Variants in FOXJ3 observed in about 807,000 individuals in gnomAD.
FOXJ3 encodes the protein forkhead box J3.
FOXJ3 carries 22 observed loss-of-function variants against 76.1 expected under a neutral mutation model. The observed-to-expected ratio is 0.29, with a 90% CI of 0.21 to 0.41. The LOEUF is 0.41. Among genes scored for constraint, FOXJ3 ranks in the 10% least tolerant of loss-of-function variants. The pLI is 1.00. For synonymous variants in FOXJ3, 269 were observed against 261.2 expected, an observed-to-expected ratio of 1.03 and a Z score of -0.29; for missense variants, 613 against 762.1, an observed-to-expected ratio of 0.80 and a Z score of 2.30.
Position 42,205,745 on chromosome 1 carries a change from T to TA in FOXJ3, c.630+16dup, listed in dbSNP as rs1345146650. On this transcript the variant is annotated intron_variant, in intron 6 of 12. Coordinates refer to ENST00000361346, the MANE Select transcript of FOXJ3 (RefSeq NM_014947.5). ...TACTCAATGACATTTCAATAATGTT[T>TA]AAAAAAATGAAATTACTTTGTTAGT... 4.3e-6 allele frequency: 6 copies of TA among 1,409,204 alleles called. No individual in the cohort carries two copies. Among genetic ancestry groups the TA allele is most frequent in the Non-Finnish European group, 6.0e-6 (6 of 994,380 alleles). 87.3% of individuals were successfully genotyped at this position (1,409,204 alleles called of 1,614,324 possible). A position where few individuals can be genotyped will look rare whatever the true frequency, so the allele number is the denominator to read the frequency against.
chr1:42,210,990 G>A (rs1309606063), intron 5 of FOXJ3, among the ~76,000 whole-genome samples: 1 of 152,216 alleles, frequency 6.6e-6, no homozygotes, highest in Non-Finnish European at 1.5e-5. Flanking sequence ...AAAGAAGCCA[G>A]ACTGCAGGCC....
rs779255866 is a variant in FOXJ3, at chr1:42,181,967, C to G, written c.1703G>C (p.Gly568Ala). 3.1e-6 allele frequency: 5 copies of G among 1,613,354 alleles called. No individual in the cohort carries two copies. Among genetic ancestry groups the G allele is most frequent in the Non-Finnish European group, 4.2e-6 (5 of 1,179,676 alleles). Residue 568 changes from glycine (G) to alanine (A), a missense_variant, in exon 12 of 13, where the codon GGT becomes GCT. Coordinates refer to ENST00000361346, the MANE Select transcript of FOXJ3 (RefSeq NM_014947.5). ...GAGTGCCTGTGGGATATGAGGATAA[C>G]CAGGGGGTGGCATCACTGAAGGAGG... ...NLPPSVMPPP[G>A]YPHIPQALST...
rs746353926 is a variant in FOXJ3 at position 42,265,193 on chromosome 1, G to T, written c.370-4C>A. The T allele has an allele frequency of 1.3e-6, 2 of 1,535,432 alleles. No homozygotes were observed. Among genetic ancestry groups the T allele is most frequent in the South Asian group, 1.2e-5 (1 of 83,250 alleles). ...ACAGATTATGTCGTATGGAATTCTG[G>T]AATTAAAGAAGAAAAGCCATAAGGT... On this transcript the variant is annotated splice_polypyrimidine_tract_variant and splice_region_variant and intron_variant, in intron 3 of 12. Transcript: ENST00000361346.
intron 3 of FOXJ3, among the ~76,000 whole-genome samples, chr1:42,267,240 ACAGTC>A (rs1369134415): frequency 6.6e-6 from 1 of 152,102 alleles, no homozygotes; most frequent in African/African-American, 2.4e-5. Context: ...ACAAGCAAAC[ACAGTC>A]TACTGACAGA....
chr1:42,315,069 T>C (rs1161019444), intron 1 of FOXJ3, among the ~76,000 whole-genome samples: 1 of 152,222 alleles, frequency 6.6e-6, no homozygotes, highest in Non-Finnish European at 1.5e-5. Context: ...TCATGCTAAG[T>C]GAAAACGACA....
chr1:42,203,821 C>A (rs1646808766), intron 6 of FOXJ3, among the ~76,000 whole-genome samples: 1 of 151,916 alleles, frequency 6.6e-6, no homozygotes, highest in South Asian at 2.1e-4. Context: ...CATGGTGGAA[C>A]CCCATCTCTA....
intron 5 of FOXJ3, among the ~76,000 whole-genome samples, chr1:42,210,858 C>T (rs931443170): frequency 3.3e-5 from 5 of 152,128 alleles, no homozygotes; most frequent in Non-Finnish European, 7.4e-5. Flanking sequence ...GGCAACCCCA[C>T]TGAGCAGCTA....
intron 5 of FOXJ3, among the ~76,000 whole-genome samples, chr1:42,215,378 A>G (rs1034753280): frequency 2.0e-5 from 3 of 152,244 alleles, no homozygotes; most frequent in South Asian, 2.1e-4. Context: ...ATGGAAATGA[A>G]TAAGTAAAGA....
chr1:42,210,691 G>A (rs79110249), intron 5 of FOXJ3, among the ~76,000 whole-genome samples: 1 of 152,186 alleles, frequency 6.6e-6, no homozygotes, highest in African/African-American at 2.4e-5. Context: ...CAAATCTCAA[G>A]GAGATTTCCT....
intron 4 of FOXJ3, among the ~76,000 whole-genome samples, chr1:42,263,059 G>C (rs1016888854): frequency 1.3e-5 from 2 of 152,078 alleles, no homozygotes; most frequent in Admixed American, 1.3e-4. Context: ...TAGCCTCTCA[G>C]GACTCAATTT....
intron 1 of FOXJ3, among the ~76,000 whole-genome samples, chr1:42,328,226 T>C (rs1394734151): frequency 6.6e-6 from 1 of 152,154 alleles, no homozygotes; most frequent in Non-Finnish European, 1.5e-5. Context: ...AGCCCTGCAG[T>C]TGGGAGGTTG....
chr1:42,191,463 GGAACGCTGC>G lies in FOXJ3; in HGVS notation c.1182_1190del (p.Gln395_Ser397del), dbSNP rs544587760. Reference sequence around the variant, plus strand: ...GCTGTGGGTGTGGTGCTGGGTGTGGGGAACGCTGCGGATGCTGCGGTAAACCATGCGGTC... The same window carrying G: ...GCTGTGGGTGTGGTGCTGGGTGTGGGGGATGCTGCGGTAAACCATGCGGTC... On this transcript the variant is annotated inframe_deletion, in exon 9 of 13. Coordinates refer to ENST00000361346, the MANE Select transcript of FOXJ3 (RefSeq NM_014947.5). The G allele has an allele frequency of 6.2e-7, 1 of 1,613,574 alleles. No homozygotes were observed. The highest frequency in any genetic ancestry group is 1.3e-5 in the African/African-American group (1 of 75,008).
intron 4 of FOXJ3, among the ~76,000 whole-genome samples, chr1:42,230,185 A>T (rs952323170): frequency 2.0e-5 from 3 of 152,214 alleles, no homozygotes. Context: ...ACTAATTGTG[A>T]AATCTTCCAC....
rs1199918515 is a variant in FOXJ3 at position 42,178,143 on chromosome 1, A to G, written c.*1567T>C. On this transcript the variant is annotated 3_prime_UTR_variant, in exon 13 of 13. Transcript: ENST00000361346. ...CTAAAAAACCCGTAAGAGGGGCTGC[A>G]TTTCAAAGAAAGGGACCAAATGTCA... 6.6e-6 allele frequency: 1 copy of G among 152,566 alleles called. No homozygotes were observed. The highest frequency in any genetic ancestry group is 1.5e-5 in the Non-Finnish European group (1 of 68,048). The allele number at this position is 152,566 out of a possible 1,614,324, so 9.5% of individuals were successfully genotyped here.
chr1:42,257,135 T>C (rs1570074496), intron 4 of FOXJ3, among the ~76,000 whole-genome samples: 1 of 152,226 alleles, frequency 6.6e-6, no homozygotes. Flanking sequence ...GATGCAGATA[T>C]TAATTTATAT....
intron 2 of FOXJ3, among the ~76,000 whole-genome samples, chr1:42,291,375 A>G (rs936336341): frequency 6.6e-6 from 1 of 152,246 alleles, no homozygotes; most frequent in Non-Finnish European, 1.5e-5. Context: ...ACAGTTCATA[A>G]AACAACTAAT....
At chr1:42,249,226 T>C (rs572934485) in intron 4 of FOXJ3, among the ~76,000 whole-genome samples, 30 of 152,308 alleles carry the variant, frequency 2.0e-4, no homozygotes, top group Admixed American at 9.8e-4. Context: ...ATCTTTAAAA[T>C]AGAATGATTA....
intron 5 of FOXJ3, among the ~76,000 whole-genome samples, chr1:42,206,619 C>T (rs888011915): frequency 6.6e-6 from 1 of 152,024 alleles, no homozygotes; most frequent in African/African-American, 2.4e-5. Flanking sequence ...TTTATTGATA[C>T]ATATTAGATG....
Position 42,247,710 on chromosome 1 carries a change from CA to C in FOXJ3, c.444+17404del, listed in dbSNP as rs367828295. On this transcript the variant is annotated intron_variant, in intron 4 of 12. Transcript: ENST00000361346. ...GTAAACGGTAAAGCTGGCTGTTCCT[CA>C]AAAGATTAAACATATGACCCAGCAA... Among the ~76,000 whole-genome samples the C allele has an allele frequency of 2.2e-4, 34 of 152,246 alleles. No homozygotes were observed. In the East Asian group the frequency reaches 4.8e-3, roughly 22 times the overall value.
Sources: allele counts gnomAD v4.1 joint callset (sites outside exome capture counted in the v4.1 genomes callset), GRCh38; gene constraint gnomAD v4.1.1; transcripts MANE v1.5; gene names NCBI Gene and HGNC (gene_info 2026-07-23, HGNC 2026-07-21).